Variants in LSAMP observed in about 807,000 individuals in gnomAD.
LSAMP encodes the protein limbic system associated membrane protein, also known as limbic system-associated membrane protein.
In LSAMP, 7 loss-of-function variants were observed where a neutral mutation model predicts 38.6. That is an observed-to-expected ratio of 0.18 (90% confidence interval 0.10 to 0.34). The LOEUF is 0.34. Ranked by LOEUF, LSAMP falls within the 10% of genes least tolerant of loss-of-function variation. The pLI, the probability that LSAMP is intolerant of heterozygous loss-of-function variation, is 1.00. For missense variants in LSAMP, 313 were observed against 420.0 expected, an observed-to-expected ratio of 0.75 and a Z score of 2.23; for synonymous variants, 154 against 166.8, an observed-to-expected ratio of 0.92 and a Z score of 0.59.
At chr3:116,000,285 C>A (rs971335124) in intron 3 of LSAMP, among the ~76,000 whole-genome samples, 3 of 152,118 alleles carry the variant, frequency 2.0e-5, no homozygotes, top group African/African-American at 7.2e-5. Flanking sequence ...TTAATCATCA[C>A]AACAACCTGA....
At chr3:116,179,922 TTTG>T (rs934535472) in intron 1 of LSAMP, among the ~76,000 whole-genome samples, 3 of 152,202 alleles carry the variant, frequency 2.0e-5, no homozygotes, top group African/African-American at 4.8e-5. Context: ...TTTAGTAGTT[TTTG>T]TTGTTGTTGT....
chr3:116,327,143 C>T (rs2047784156), intron 1 of LSAMP, among the ~76,000 whole-genome samples: 1 of 152,172 alleles, frequency 6.6e-6, no homozygotes, highest in Non-Finnish European at 1.5e-5. Flanking sequence ...TATAGTGCTT[C>T]TGGCCTGAGA....
intron 3 of LSAMP, among the ~76,000 whole-genome samples, chr3:116,016,272 A>G (rs1461781767): frequency 2.0e-5 from 3 of 152,206 alleles, no homozygotes; most frequent in Non-Finnish European, 4.4e-5. Context: ...GTCACCAGGA[A>G]TATGATTATG....
intron 1 of LSAMP, among the ~76,000 whole-genome samples, chr3:116,301,786 A>G (rs1046820514): frequency 6.6e-6 from 1 of 151,556 alleles, no homozygotes; most frequent in Non-Finnish European, 1.5e-5. Context: ...ACTTATAAAG[A>G]TAATAGTTTT....
In LSAMP at chr3:115,805,014, A is replaced by G. The variant is rs1933599322; in HGVS notation, c.*5303T>C. 1 of 152,224 alleles carries G rather than the reference A, an allele frequency of 6.6e-6. No individual in the cohort carries two copies. The allele number at this position is 152,224 out of a possible 1,614,324, so 9.4% of individuals were successfully genotyped here. A position where few individuals can be genotyped will look rare whatever the true frequency, so the allele number is the denominator to read the frequency against. On this transcript the variant is annotated 3_prime_UTR_variant, in exon 7 of 7. Transcript: ENST00000490035. ...TTCCCACTGCTTTTGTTGAATGGAA[A>G]ATAAAAACTGAGTAATATTTTGCTC... is the stretch of plus-strand genomic sequence containing the variant.
intron 3 of LSAMP, among the ~76,000 whole-genome samples, chr3:115,884,675 T>C (rs1936406765): frequency 6.6e-6 from 1 of 151,928 alleles, no homozygotes; most frequent in Non-Finnish European, 1.5e-5. Context: ...ATGCAAGGAA[T>C]GCCAACAAGT....
At chr3:116,207,162 C>T (rs1290017530) in intron 1 of LSAMP, among the ~76,000 whole-genome samples, 1 of 151,726 alleles carries the variant, frequency 6.6e-6, no homozygotes, top group Admixed American at 6.6e-5. Context: ...TATGTAATGG[C>T]CTTCTTTGTC....
At chr3:116,397,682 C>T (rs2048786840) in intron 1 of LSAMP, among the ~76,000 whole-genome samples, 1 of 152,046 alleles carries the variant, frequency 6.6e-6, no homozygotes, top group Non-Finnish European at 1.5e-5. Context: ...TAATATAGTC[C>T]TGCTGAAGTT....
chr3:116,309,837 G>C (rs1576498488), intron 1 of LSAMP, among the ~76,000 whole-genome samples: 1 of 152,180 alleles, frequency 6.6e-6, no homozygotes. Context: ...ACATGGACTA[G>C]TGCTATTGCT....
At chr3:116,155,846 C>T (rs76607117) in intron 1 of LSAMP, among the ~76,000 whole-genome samples, 2,614 of 152,172 alleles carry the variant, frequency 0.017, 74 homozygotes, top group African/African-American at 0.058. Context: ...TGTTTATCTG[C>T]CACAGATTTG....
At chr3:115,909,188 A>G (rs1191223564) in intron 3 of LSAMP, among the ~76,000 whole-genome samples, 1 of 152,124 alleles carries the variant, frequency 6.6e-6, no homozygotes, top group Non-Finnish European at 1.5e-5. Flanking sequence ...ATCTTTCTTC[A>G]GGCATCCCAA....
At chr3:116,300,142 T>C (rs960216345) in intron 1 of LSAMP, among the ~76,000 whole-genome samples, 1 of 152,132 alleles carries the variant, frequency 6.6e-6, no homozygotes, top group African/African-American at 2.4e-5. Context: ...CTGAGCTCCA[T>C]GAGGGAACAC....
At chr3:116,219,669 C>T (rs189312049) in intron 1 of LSAMP, among the ~76,000 whole-genome samples, 74 of 152,146 alleles carry the variant, frequency 4.9e-4, no homozygotes, top group East Asian at 4.4e-3. Flanking sequence ...TAATCAATGA[C>T]GTGAAAAGGC....
chr3:115,869,383 A>G (rs1271889057), intron 3 of LSAMP, among the ~76,000 whole-genome samples: 1 of 151,936 alleles, frequency 6.6e-6, no homozygotes, highest in East Asian at 1.9e-4. Context: ...GAGTACCAGC[A>G]ATTTGGAGTA....
At chr3:116,290,394 T>TC (rs956512304) in intron 1 of LSAMP, among the ~76,000 whole-genome samples, 7 of 151,840 alleles carry the variant, frequency 4.6e-5, no homozygotes, top group Non-Finnish European at 1.0e-4. Context: ...GTTGAAGAAT[T>TC]CCCCCCCATC....
intron 1 of LSAMP, among the ~76,000 whole-genome samples, chr3:116,383,331 T>C (rs2048586310): frequency 6.6e-6 from 1 of 152,104 alleles, no homozygotes. Flanking sequence ...GCTTGCTATA[T>C]GCCCCATAGC....
chr3:116,170,195 A>G (rs1206097388), intron 1 of LSAMP, among the ~76,000 whole-genome samples: 1 of 152,086 alleles, frequency 6.6e-6, no homozygotes, highest in African/African-American at 2.4e-5. Flanking sequence ...CAATTTGGAA[A>G]TTTTTTTCCA....
chr3:116,005,134 G>A (rs997665955), intron 3 of LSAMP, among the ~76,000 whole-genome samples: 2 of 152,058 alleles, frequency 1.3e-5, no homozygotes, highest in African/African-American at 4.8e-5. Context: ...ATTCATTACG[G>A]TTTGTCCAAA....
chr3:116,394,775 C>T (rs1380152283), intron 1 of LSAMP, among the ~76,000 whole-genome samples: 1 of 152,100 alleles, frequency 6.6e-6, no homozygotes, highest in Non-Finnish European at 1.5e-5. Flanking sequence ...GTTTTTCTTC[C>T]ACATCTATTG....
Sources: allele counts gnomAD v4.1 joint callset (sites outside exome capture counted in the v4.1 genomes callset), GRCh38; gene constraint gnomAD v4.1.1; transcripts MANE v1.5; gene names NCBI Gene and HGNC (gene_info 2026-07-23, HGNC 2026-07-21).